GREM2: variants seen among roughly 807,000 people sequenced by gnomAD.
GREM2 encodes gremlin 2, DAN family BMP antagonist, also known as gremlin-2.
GREM2 carries 11 observed loss-of-function variants against 14.2 expected under a neutral mutation model. The ratio of observed to expected loss-of-function variants is 0.78; its 90% confidence interval spans 0.49 to 1.28. The LOEUF (loss-of-function observed/expected upper bound fraction) is 1.28. GREM2 is among the 50% of genes most tolerant of loss of function. The probability of loss-of-function intolerance (pLI) is 0.00; values close to 1 mark genes in which losing one functional copy is unlikely to be tolerated. For synonymous variants in GREM2, 98 were observed against 97.6 expected (o/e 1.00, Z -0.02); for missense variants, 210 against 218.5 (o/e 0.96, Z 0.24).
At chr1:240,505,964 C>A (rs1479320444) in intron 1 of GREM2, among the ~76,000 whole-genome samples, 2 of 151,774 alleles carry the variant, frequency 1.3e-5, no homozygotes, top group African/African-American at 2.4e-5. Context: ...CATTTTAAAA[C>A]GTGGTATAAC....
At chr1:240,557,247 A>G (rs1678967404) in intron 1 of GREM2, among the ~76,000 whole-genome samples, 1 of 151,938 alleles carries the variant, frequency 6.6e-6, no homozygotes, top group South Asian at 2.1e-4. Flanking sequence ...GAATCACGGG[A>G]AGAGAGACCT....
intron 1 of GREM2, among the ~76,000 whole-genome samples, chr1:240,590,990 C>A (rs1030000193): frequency 3.8e-4 from 58 of 151,422 alleles, no homozygotes; most frequent in Admixed American, 2.2e-3. Context: ...CCAGGTTGGC[C>A]AGGCTGGTCT....
chr1:240,572,177 A>C (rs1301857780), intron 1 of GREM2, among the ~76,000 whole-genome samples: 2 of 152,248 alleles, frequency 1.3e-5, no homozygotes, highest in Non-Finnish European at 2.9e-5. Flanking sequence ...GGTCAAAGGA[A>C]GCCCAGCATT....
intron 1 of GREM2, among the ~76,000 whole-genome samples, chr1:240,510,173 T>A (rs1051519480): frequency 6.6e-6 from 1 of 151,754 alleles, no homozygotes; most frequent in African/African-American, 2.4e-5. Context: ...ATTGGGACCA[T>A]CCTGGCTAAC....
At chr1:240,609,469 G>A (rs77878345) in intron 1 of GREM2, among the ~76,000 whole-genome samples, 148 of 152,034 alleles carry the variant, frequency 9.7e-4, no homozygotes, top group African/African-American at 3.4e-3. Context: ...CTATCAAGAA[G>A]CAGCTAATCC....
At chr1:240,541,099 C>A (rs1038088730) in intron 1 of GREM2, among the ~76,000 whole-genome samples, 1 of 152,174 alleles carries the variant, frequency 6.6e-6, no homozygotes, top group Non-Finnish European at 1.5e-5. Flanking sequence ...TGGCCATAAA[C>A]CCTTTTGAAA....
chr1:240,556,324 C>T (rs902735417), intron 1 of GREM2, among the ~76,000 whole-genome samples: 1 of 152,136 alleles, frequency 6.6e-6, no homozygotes, highest in African/African-American at 2.4e-5. Context: ...TCTATTAGCA[C>T]CATCAGGGAA....
At chr1:240,604,140 G>C (rs1333587570) in intron 1 of GREM2, among the ~76,000 whole-genome samples, 1 of 151,810 alleles carries the variant, frequency 6.6e-6, no homozygotes, top group Non-Finnish European at 1.5e-5. Flanking sequence ...CACTGAGGGA[G>C]AACCCACTCA....
At chr1:240,587,860 T>C (rs1679628498) in intron 1 of GREM2, among the ~76,000 whole-genome samples, 1 of 152,210 alleles carries the variant, frequency 6.6e-6, no homozygotes, top group Non-Finnish European at 1.5e-5. Context: ...TTATTCTCTT[T>C]GGCCTGATTT....
rs558955333 is a variant in GREM2 at position 240,583,107 on chromosome 1, C to T, written c.-2+28777G>A. ...GGGTGAGTCCTAAAAAAATCATTTC[C>T]TGTATCTGTCTGCACAGTGCCTTGT... is the stretch of plus-strand genomic sequence containing the variant. On this transcript the variant is annotated intron_variant, in intron 1 of 1. Transcript: ENST00000318160. Among the ~76,000 whole-genome samples the T allele has an allele frequency of 1.5e-4, 23 of 152,214 alleles. No individual in the cohort carries two copies. The East Asian group carries it at 3.1e-3, about 21-fold the overall frequency.
intron 1 of GREM2, among the ~76,000 whole-genome samples, chr1:240,600,777 C>A (rs1454350335): frequency 6.6e-6 from 1 of 152,162 alleles, no homozygotes; most frequent in African/African-American, 2.4e-5. Flanking sequence ...AGCCACCGTG[C>A]CTGGCTGTGT....
intron 1 of GREM2, among the ~76,000 whole-genome samples, chr1:240,564,452 G>T (rs1008247963): frequency 6.6e-6 from 1 of 151,204 alleles, no homozygotes; most frequent in Admixed American, 6.6e-5. Flanking sequence ...AGGTTGCAAT[G>T]AGCCAAGATT....
intron 1 of GREM2, among the ~76,000 whole-genome samples, chr1:240,607,908 A>G (rs1680061218): frequency 6.6e-6 from 1 of 152,242 alleles, no homozygotes; most frequent in South Asian, 2.1e-4. Flanking sequence ...TGTGAAATAA[A>G]CACAAGAATG....
At chr1:240,567,978 G>C (rs1473653062) in intron 1 of GREM2, among the ~76,000 whole-genome samples, 1 of 152,076 alleles carries the variant, frequency 6.6e-6, no homozygotes, top group Non-Finnish European at 1.5e-5. Context: ...ATGTGGTGGA[G>C]TGTGCCTATA....
chr1:240,524,346 A>T (rs761983288), intron 1 of GREM2, among the ~76,000 whole-genome samples: 7 of 151,998 alleles, frequency 4.6e-5, no homozygotes, highest in Non-Finnish European at 8.8e-5. Flanking sequence ...TACATATTAT[A>T]CTCTTTGTCT....
chr1:240,495,608 A>G (rs1181591395), intron 1 of GREM2, among the ~76,000 whole-genome samples: 2 of 152,192 alleles, frequency 1.3e-5, no homozygotes, highest in African/African-American at 4.8e-5. Context: ...TCTTCATTTT[A>G]TGGATGAGGA....
intron 1 of GREM2, among the ~76,000 whole-genome samples, chr1:240,579,110 C>T (rs1459637244): frequency 1.3e-5 from 2 of 152,132 alleles, no homozygotes; most frequent in African/African-American, 4.8e-5. Context: ...ATGAATTCCC[C>T]AGGCCACATC....
chr1:240,580,847 A>T (rs894479899), intron 1 of GREM2, among the ~76,000 whole-genome samples: 2 of 152,256 alleles, frequency 1.3e-5, no homozygotes, highest in Admixed American at 6.5e-5. Context: ...TGCTGGGATT[A>T]CAGGCATGCA....
chr1:240,493,584 G>A (rs1677323989), intron 1 of GREM2, 108 bp from the exon 2 acceptor site: 2 of 1,331,104 alleles, frequency 1.5e-6, no homozygotes, highest in South Asian at 3.2e-5. Context: ...TGTTGCCCAG[G>A]CTGGAGTGCA....
Sources: allele counts gnomAD v4.1 joint callset (sites outside exome capture counted in the v4.1 genomes callset), GRCh38; gene constraint gnomAD v4.1.1; transcripts MANE v1.5; gene names NCBI Gene and HGNC (gene_info 2026-07-23, HGNC 2026-07-21).